The following DSCAM variants were observed in gnomAD, a reference collection of about 807,000 sequenced individuals.
DSCAM encodes the protein DS cell adhesion molecule, also known as cell adhesion molecule DSCAM.
A neutral mutation model predicts 217.7 loss-of-function variants in DSCAM; 47 were observed. The observed-to-expected ratio is 0.22, with a 90% CI of 0.17 to 0.28. The LOEUF is 0.28. Ranked by LOEUF, DSCAM falls within the 10% of genes least tolerant of loss-of-function variation. The pLI is 1.00. For missense variants in DSCAM, 2,080 were observed against 2,618.3 expected, an observed-to-expected ratio of 0.79 and a Z score of 4.49; for synonymous variants, 1,056 against 1,015.3, an observed-to-expected ratio of 1.04 and a Z score of -0.76.
chr21:40,056,558 C>G (rs1051703562), intron 28 of DSCAM, among the ~76,000 whole-genome samples: 1 of 151,816 alleles, frequency 6.6e-6, no homozygotes, highest in Non-Finnish European at 1.5e-5. Flanking sequence ...AAAAAAACTC[C>G]ACGTTGCACA....
chr21:40,668,475 C>T (rs1222107469), intron 3 of DSCAM, among the ~76,000 whole-genome samples: 2 of 152,176 alleles, frequency 1.3e-5, no homozygotes, highest in Non-Finnish European at 2.9e-5. Flanking sequence ...TTGTAAAAAT[C>T]CACCCAGGGG....
intron 3 of DSCAM, among the ~76,000 whole-genome samples, chr21:40,408,505 C>T (rs904667990): frequency 1.3e-5 from 2 of 152,030 alleles, no homozygotes; most frequent in East Asian, 1.9e-4. Flanking sequence ...GTTTGGGGAA[C>T]ACATTTAGTG....
At chr21:40,342,648 A>ATATT (rs61637421) in intron 6 of DSCAM, among the ~76,000 whole-genome samples, 16,579 of 79,846 alleles carry the variant, frequency 0.21, 2,156 homozygotes, top group South Asian at 0.31. Flanking sequence ...ATATATATAT[A>ATATT]TTTTTTTTTT....
At chr21:40,619,678 C>T (rs138534879) in intron 3 of DSCAM, among the ~76,000 whole-genome samples, 26 of 152,128 alleles carry the variant, frequency 1.7e-4, no homozygotes, top group Middle Eastern at 3.4e-3. Context: ...GAGTTTGTTT[C>T]GCCATTGCAT....
At position 40,663,257 on chromosome 21, in the gene DSCAM, A is replaced by AGT. The variant is rs72447161; in HGVS notation, c.508+29551_508+29552dup. 4.5e-4 allele frequency among the ~76,000 whole-genome samples: 42 copies of AGT among 93,956 alleles called. 1 individual carries two copies. Among genetic ancestry groups the AGT allele is most frequent in the African/African-American group, 2.0e-3 (38 of 18,614 alleles). 61.6% of individuals were successfully genotyped at this position (93,956 alleles called of 152,430 possible). ...ATATAAGCATGTGAGTGTATGTCAA[A>AGT]GTGTGTGTGTGGGGGGGGTGTATAT... On this transcript the variant is annotated intron_variant, in intron 3 of 32. Coordinates refer to ENST00000400454, the MANE Select transcript of DSCAM (RefSeq NM_001389.5).
intron 32 of DSCAM, 50 bp from the exon 33 acceptor site, chr21:40,013,436 G>A: frequency 7.3e-7 from 1 of 1,375,234 alleles, no homozygotes; most frequent in Non-Finnish European, 9.8e-7. Flanking sequence ...TGGTAAACAT[G>A]GGCAGAATGT....
chr21:40,175,736 T>C (rs1223196225), intron 15 of DSCAM, among the ~76,000 whole-genome samples: 4 of 149,720 alleles, frequency 2.7e-5, no homozygotes, highest in African/African-American at 4.9e-5. Context: ...CCTTCAGAAT[T>C]TCACTGTGGG....
chr21:40,736,808 AGGG>A (rs1350633909), intron 1 of DSCAM, among the ~76,000 whole-genome samples: 24 of 151,628 alleles, frequency 1.6e-4, no homozygotes, highest in African/African-American at 5.1e-4. Context: ...TAAATAGCAT[AGGG>A]TTTTTTTTGC....
intron 3 of DSCAM, among the ~76,000 whole-genome samples, chr21:40,537,440 A>T (rs1039842347): frequency 6.6e-6 from 1 of 152,200 alleles, no homozygotes; most frequent in African/African-American, 2.4e-5. Context: ...TAATGCCTCA[A>T]GAAGAAATTA....
rs567728093 is a variant in DSCAM at position 40,451,199 on chromosome 21, A to T, written c.509-81954T>A. Among the ~76,000 whole-genome samples, 31 of 152,136 alleles carry T rather than the reference A, an allele frequency of 2.0e-4. 1 individual carries two copies. The highest frequency in any genetic ancestry group is 4.1e-4 in the South Asian group (2 of 4,822). Reference sequence around the variant, plus strand: ...TGATGGCTGAGGTTAAGTTGTTCAGACTCCAAAGGGCCACAATGTAAGAGA... The same window carrying T: ...TGATGGCTGAGGTTAAGTTGTTCAGTCTCCAAAGGGCCACAATGTAAGAGA... On this transcript the variant is annotated intron_variant, in intron 3 of 32. Coordinates refer to ENST00000400454, the MANE Select transcript of DSCAM (RefSeq NM_001389.5).
At chr21:40,776,969 A>T (rs2091493592) in intron 1 of DSCAM, among the ~76,000 whole-genome samples, 1 of 152,242 alleles carries the variant, frequency 6.6e-6, no homozygotes, top group Non-Finnish European at 1.5e-5. Context: ...ATGTCAGCAG[A>T]TTCTGAAGCA....
intron 2 of DSCAM, among the ~76,000 whole-genome samples, chr21:40,698,103 T>C (rs73220301): frequency 0.099 from 15,031 of 152,264 alleles, 859 homozygotes; most frequent in Admixed American, 0.17. Flanking sequence ...TTATAAGAAG[T>C]TATTTAAAAC....
At position 40,624,019 on chromosome 21, in the gene DSCAM, G is replaced by A. The variant is rs147081361; in HGVS notation, c.508+68791C>T. On this transcript the variant is annotated intron_variant, in intron 3 of 32. Transcript: ENST00000400454. ...GTTTGTCTTTCAGTCTTCATATGGCGATAAGTCTTGAGGATGGTTTTTTTT... is the reference window on the plus strand; with the variant it reads ...GTTTGTCTTTCAGTCTTCATATGGCAATAAGTCTTGAGGATGGTTTTTTTT... 2.1e-3 allele frequency among the ~76,000 whole-genome samples: 323 copies of A among 152,246 alleles called. 2 individuals carry two copies. The highest frequency in any genetic ancestry group is 0.02 in the South Asian group (96 of 4,816).
chr21:40,599,742 G>A (rs1040768034), intron 3 of DSCAM, among the ~76,000 whole-genome samples: 5 of 151,252 alleles, frequency 3.3e-5, no homozygotes, highest in African/African-American at 1.2e-4. Context: ...AAAGAGAGAA[G>A]AATAGACACA....
chr21:40,051,419 T>C (rs2837393), intron 30 of DSCAM, among the ~76,000 whole-genome samples: 68,585 of 152,044 alleles, frequency 0.45, 15,882 homozygotes, highest in East Asian at 0.53. Flanking sequence ...TCTCAAACAG[T>C]GTGTTCAGGG....
chr21:40,307,414 G>A (rs1016564343), intron 9 of DSCAM, among the ~76,000 whole-genome samples: 83 of 152,180 alleles, frequency 5.5e-4, no homozygotes, highest in East Asian at 1.9e-3. Context: ...AATGGCAATC[G>A]TTAAAAAGTC....
chr21:40,210,179 C>T (rs1051430000), intron 11 of DSCAM, among the ~76,000 whole-genome samples: 5 of 152,150 alleles, frequency 3.3e-5, no homozygotes, highest in Non-Finnish European at 7.3e-5. Context: ...CTGAAAATTA[C>T]CTCCAGTTCT....
intron 3 of DSCAM, among the ~76,000 whole-genome samples, chr21:40,665,362 A>C (rs531849543): frequency 3.5e-4 from 53 of 152,060 alleles, no homozygotes; most frequent in Non-Finnish European, 5.9e-5. Context: ...AAAAATCTCC[A>C]ATCAGGAGCA....
At chr21:40,401,548 A>G (rs2075234036) in intron 3 of DSCAM, among the ~76,000 whole-genome samples, 1 of 152,202 alleles carries the variant, frequency 6.6e-6, no homozygotes, top group Non-Finnish European at 1.5e-5. Flanking sequence ...AAAGTGAATG[A>G]TATCTCAATA....
Sources: gnomAD v4.1 joint callset for allele counts (sites outside exome capture counted in the v4.1 genomes callset) on GRCh38, gnomAD v4.1.1 for gene constraint, MANE v1.5 for transcripts, NCBI Gene and HGNC (gene_info 2026-07-23, HGNC 2026-07-21) for gene names.